Variants in NRL observed in about 807,000 individuals in gnomAD.
NRL encodes the protein neural retina leucine zipper, also known as neural retina-specific leucine zipper protein.
NRL carries 16 observed loss-of-function variants against 12.5 expected under a neutral mutation model. The ratio of observed to expected loss-of-function variants is 1.28; its 90% CI spans 0.87 to 1.95. The LOEUF (loss-of-function observed/expected upper bound fraction) is 1.95, where lower values mean the gene tolerates loss of function less well. Ranked by LOEUF, NRL falls within the 30% of genes most tolerant of loss-of-function variation. The probability of loss-of-function intolerance (pLI) is 0.00; values close to 1 mark genes in which losing one functional copy is unlikely to be tolerated. For synonymous variants in NRL, 142 were observed against 150.9 expected (o/e 0.94, Z 0.43); for missense variants, 314 against 325.8 (o/e 0.96, Z 0.28).
chr14:24,096,228 CTTTTTTTTTTT>C lies in NRL; in HGVS notation c.-27-13364_-27-13354del, dbSNP rs34592767. Among the ~76,000 whole-genome samples the C allele has an allele frequency of 4.7e-3, 276 of 58,892 alleles. 1 individual carries two copies. The highest frequency in any genetic ancestry group is 0.019 in the African/African-American group (267 of 13,810). 38.6% of individuals were successfully genotyped at this position (58,892 alleles called of 152,430 possible). ...TTGGGCCAAAGGCCCCTACTCATTTCTTTTTTTTTTTTTTTTTTTTTTTTTTTTGAGACAGA... is the reference window on the plus strand; with the variant it reads ...TTGGGCCAAAGGCCCCTACTCATTTCTTTTTTTTTTTTTTTTTGAGACAGA... On this transcript the variant is annotated intron_variant, in intron 1 of 2. Coordinates refer to ENST00000561028, the MANE Select transcript of NRL (RefSeq NM_001354768.3).
At chr14:24,099,285 TG>T in intron 1 of NRL, 1 of 1,531,780 alleles carries the variant, frequency 6.5e-7, no homozygotes, top group East Asian at 2.3e-5. Flanking sequence ...AGGGCAGGGG[TG>T]GGGCCTGGCC....
intron 2 of NRL, 137 bp downstream of exon 2, chr14:24,082,331 C>G: frequency 2.7e-6 from 3 of 1,108,638 alleles, no homozygotes; most frequent in Non-Finnish European, 4.0e-6. Flanking sequence ...TGATTGCTTT[C>G]AAGGGACCTT....
intron 1 of NRL, chr14:24,100,568 G>A (rs920010248): frequency 9.1e-7 from 1 of 1,101,770 alleles, no homozygotes; most frequent in Non-Finnish European, 1.1e-6. Context: ...ATAAATACAG[G>A]CTGGATTTTT....
chr14:24,106,727 AAAAT>A (rs201181140), intron 1 of NRL, among the ~76,000 whole-genome samples: 3 of 146,666 alleles, frequency 2.0e-5, no homozygotes, highest in African/African-American at 5.4e-5. Context: ...TCTCAAAAAA[AAAAT>A]AAATAAATAA....
rs2036207370 is a variant in NRL at position 24,079,291 on chromosome 14, C to G, written c.*1945G>C. 6.6e-6 allele frequency among the ~76,000 whole-genome samples: 1 copy of G among 152,202 alleles called. No homozygotes were observed. On this transcript the variant is annotated 3_prime_UTR_variant, in exon 3 of 3. Transcript: ENST00000561028. Reference sequence around the variant, plus strand: ...CAAGAAAAGTAGTGGGTCTGAATTACAGCTCCAGGGCAGGCAAGGATAGAC... The same window carrying G: ...CAAGAAAAGTAGTGGGTCTGAATTAGAGCTCCAGGGCAGGCAAGGATAGAC...
intron 1 of NRL, among the ~76,000 whole-genome samples, chr14:24,108,405 A>G (rs1043952041): frequency 1.3e-5 from 2 of 152,060 alleles, no homozygotes; most frequent in Non-Finnish European, 2.9e-5. Flanking sequence ...TAGCGTGATC[A>G]CAGCTCACTG....
chr14:24,113,538 G>A (rs1020418499), intron 1 of NRL, among the ~76,000 whole-genome samples: 4 of 152,232 alleles, frequency 2.6e-5, no homozygotes, highest in South Asian at 2.1e-4. Flanking sequence ...GGCAATAGAG[G>A]ATGGGCGCCC....
At chr14:24,104,641 A>AC (rs1491260688) in intron 1 of NRL, among the ~76,000 whole-genome samples, 2 of 134,434 alleles carry the variant, frequency 1.5e-5, no homozygotes, top group African/African-American at 6.0e-5. Context: ...ACTCCGTCAC[A>AC]AAAAAAAAAA....
intron 1 of NRL, among the ~76,000 whole-genome samples, chr14:24,089,622 T>C (rs760239935): frequency 6.6e-6 from 1 of 152,222 alleles, no homozygotes; most frequent in Non-Finnish European, 1.5e-5. Flanking sequence ...ATGTTAGAGA[T>C]GTGTCTACAT....
At chr14:24,096,834 C>T in intron 1 of NRL, 1 of 1,517,706 alleles carries the variant, frequency 6.6e-7, no homozygotes, top group Admixed American at 1.7e-5. Context: ...CTCTCCACCA[C>T]CTGCCTTGTC....
intron 1 of NRL, among the ~76,000 whole-genome samples, chr14:24,104,523 T>C (rs1307642454): frequency 6.6e-6 from 1 of 150,650 alleles, no homozygotes; most frequent in Non-Finnish European, 1.5e-5. Flanking sequence ...CCTGTAGTCC[T>C]AGCTATTTGG....
In NRL at chr14:24,094,417, G is replaced by C. The variant is rs1230101778; in HGVS notation, c.-27-11542C>G. Reference sequence around the variant, plus strand: ...CCTGCCCAGGTGCCATGGCCGCATTGTACCGCCCTGGCCTGCGGTGAGTGA... The same window carrying C: ...CCTGCCCAGGTGCCATGGCCGCATTCTACCGCCCTGGCCTGCGGTGAGTGA... On this transcript the variant is annotated intron_variant, in intron 1 of 2. Coordinates refer to ENST00000561028, the MANE Select transcript of NRL (RefSeq NM_001354768.3). This position sits in a 1 kb window ranked among gnomAD's most constrained non-coding sequence, Gnocchi z 4.1. 1.6e-5 allele frequency: 25 copies of C among 1,561,146 alleles called. No individual in the cohort carries two copies. The highest frequency in any genetic ancestry group is 3.5e-4 in the Middle Eastern group (2 of 5,738).
intron 1 of NRL, chr14:24,099,308 G>A (rs1275897098): frequency 9.2e-6 from 13 of 1,414,892 alleles, no homozygotes; most frequent in Non-Finnish European, 1.3e-5. Context: ...GTCTGCCTCA[G>A]CCTCACCTCC....
At chr14:24,103,826 G>C (rs746162974) in intron 1 of NRL, 1 of 1,614,134 alleles carries the variant, frequency 6.2e-7, no homozygotes, top group South Asian at 1.1e-5. Context: ...CCACTCAGCT[G>C]TTCTCCCTCC....
intron 1 of NRL, among the ~76,000 whole-genome samples, chr14:24,102,192 C>A (rs954189449): frequency 6.6e-6 from 1 of 152,190 alleles, no homozygotes; most frequent in East Asian, 1.9e-4. Flanking sequence ...TGCACCACTG[C>A]ACTACAGCCT....
intron 1 of NRL, chr14:24,114,201 C>T (rs1304036367): frequency 6.6e-6 from 1 of 152,268 alleles, no homozygotes; most frequent in East Asian, 1.9e-4. Flanking sequence ...GACAGAAAGA[C>T]GCGTGTATTA....
chr14:24,099,837 C>T (rs1226424184), intron 1 of NRL: 1 of 1,511,400 alleles, frequency 6.6e-7, no homozygotes, highest in South Asian at 1.1e-5. Context: ...CCCAACCCTG[C>T]TCCATTCCTC....
intron 1 of NRL, 60 bp downstream of exon 1, chr14:24,114,662 G>T: frequency 3.0e-6 from 3 of 984,966 alleles, no homozygotes; most frequent in Non-Finnish European, 3.6e-6. Flanking sequence ...AGAGCTAACA[G>T]CCCTCCTTGG....
intron 1 of NRL, 146 bp downstream of exon 1, chr14:24,114,576 G>T: frequency 1.5e-6 from 1 of 671,706 alleles, no homozygotes; most frequent in Non-Finnish European, 1.8e-6. Context: ...TTTAAGCCCC[G>T]CCTCTCAGCC....
Sources: gnomAD v4.1 joint callset for allele counts (sites outside exome capture counted in the v4.1 genomes callset) on GRCh38, gnomAD v4.1.1 for gene constraint, Gnocchi (gnomAD v3.1) non-coding constraint, MANE v1.5 for transcripts, NCBI Gene and HGNC (gene_info 2026-07-23, HGNC 2026-07-21) for gene names.